The following SPRY3 variants were observed in gnomAD, a reference collection of about 807,000 sequenced individuals.
SPRY3 encodes the protein sprouty RTK signaling antagonist 3, also known as protein sprouty homolog 3.
In SPRY3, 15 loss-of-function variants were observed where a neutral mutation model predicts 20.2. That is an observed-to-expected ratio of 0.74 (90% CI 0.50 to 1.14). The LOEUF is 1.14. Among genes scored for constraint, SPRY3 ranks in the 50% most tolerant of loss-of-function variants. The pLI is 0.00. For synonymous variants in SPRY3, 143 were observed against 136.5 expected (o/e 1.05, Z -0.33); for missense variants, 364 against 363.9 (o/e 1.00, Z 0.00).
At chrX:155,677,348 T>G (rs1389306848) in intron 2 of SPRY3, among the ~76,000 whole-genome samples, 1 of 111,802 alleles carries the variant, frequency 8.9e-6, no homozygotes, top group Non-Finnish European at 1.9e-5. Flanking sequence ...AACATTTTCC[T>G]TACACTCTCC....
intron 2 of SPRY3, among the ~76,000 whole-genome samples, chrX:155,709,520 C>A (rs974080886): frequency 3.3e-5 from 5 of 151,282 alleles, no homozygotes; most frequent in Admixed American, 3.3e-4. Flanking sequence ...TTTATATTTT[C>A]TTCTATAGAG....
chrX:155,707,410 C>T (rs937800282), intron 2 of SPRY3, among the ~76,000 whole-genome samples: 6 of 151,072 alleles, frequency 4.0e-5, no homozygotes, highest in South Asian at 2.1e-4. Context: ...TGGTCTATAC[C>T]GTAGAATGTT....
At chrX:155,752,494 T>G (rs997516298) in intron 2 of SPRY3, among the ~76,000 whole-genome samples, 1 of 151,684 alleles carries the variant, frequency 6.6e-6, no homozygotes, top group Non-Finnish European at 1.5e-5. Flanking sequence ...GTAATGTTTA[T>G]GCTATAGGTT....
At chrX:155,730,552 G>T (rs2091126165) in intron 2 of SPRY3, among the ~76,000 whole-genome samples, 1 of 152,002 alleles carries the variant, frequency 6.6e-6, no homozygotes, top group Non-Finnish European at 1.5e-5. Context: ...TATAATAAAA[G>T]CCATATATGA....
chrX:155,671,285 T>G (rs992296068), intron 2 of SPRY3, among the ~76,000 whole-genome samples: 16 of 111,452 alleles, frequency 1.4e-4, no homozygotes, highest in Non-Finnish European at 1.9e-5. Flanking sequence ...CCTGATAACA[T>G]TTTTTTAATC....
chrX:155,736,374 T>C (rs1453701548), intron 2 of SPRY3, among the ~76,000 whole-genome samples: 2 of 151,984 alleles, frequency 1.3e-5, no homozygotes, highest in East Asian at 3.8e-4. Flanking sequence ...AAGACAAGCC[T>C]ACTGGTGACA....
rs941445022 is a variant in SPRY3 at position 155,650,199 on chromosome X, G to T, written c.-440-6668G>T. ...GCCATACTGCTCATAGTAATTTATA[G>T]ATTCAATGCTATCCTCATTAAGCTA... On this transcript the variant is annotated intron_variant, in intron 1 of 3. Transcript: ENST00000675360. 1.2e-4 allele frequency among the ~76,000 whole-genome samples: 13 copies of T among 111,297 alleles called. 1 individual carries two copies. Among genetic ancestry groups the T allele is most frequent in the Non-Finnish European group, 2.3e-4 (12 of 52,985 alleles).
intron 2 of SPRY3, among the ~76,000 whole-genome samples, chrX:155,732,058 G>A (rs2091136345): frequency 6.6e-6 from 1 of 151,930 alleles, no homozygotes; most frequent in African/African-American, 2.4e-5. Context: ...AGAAAACGTA[G>A]CCTTCCTAGA....
intron 1 of SPRY3, among the ~76,000 whole-genome samples, chrX:155,638,330 A>AAAGTT (rs2067930725): frequency 4.3e-4 from 1 of 2,309 alleles, no homozygotes; most frequent in Non-Finnish European, 2.0e-3. Context: ...ATATATATAT[A>AAAGTT]TATATATATA....
At chrX:155,648,097 G>A (rs1243338647) in intron 1 of SPRY3, among the ~76,000 whole-genome samples, 1 of 112,272 alleles carries the variant, frequency 8.9e-6, no homozygotes, top group African/African-American at 3.2e-5. Context: ...CCTCATAAAT[G>A]TCTTCTTTTG....
intron 2 of SPRY3, among the ~76,000 whole-genome samples, chrX:155,691,302 C>A (rs2124574169): frequency 1.1e-5 from 1 of 87,737 alleles, no homozygotes; most frequent in African/African-American, 5.5e-5. Context: ...TTATAGCATT[C>A]TGTTTTTAGT....
At chrX:155,720,764 G>A (rs2091052227) in intron 2 of SPRY3, among the ~76,000 whole-genome samples, 1 of 152,166 alleles carries the variant, frequency 6.6e-6, no homozygotes, top group South Asian at 2.1e-4. Context: ...ATACAGCTTA[G>A]ATCACAACCC....
chrX:155,697,343 G>A (rs1448141821), intron 2 of SPRY3, among the ~76,000 whole-genome samples: 3 of 110,249 alleles, frequency 2.7e-5, no homozygotes, highest in Non-Finnish European at 5.7e-5. Flanking sequence ...TGGACGGGAA[G>A]TTACAGCCTC....
At chrX:155,673,540 G>T (rs2068050287) in intron 2 of SPRY3, among the ~76,000 whole-genome samples, 1 of 111,622 alleles carries the variant, frequency 9.0e-6, no homozygotes, top group Non-Finnish European at 1.9e-5. Context: ...ATCAGCCAAG[G>T]TTTCTTTGGT....
At chrX:155,694,683 C>T (rs886385520) in intron 2 of SPRY3, among the ~76,000 whole-genome samples, 2 of 111,849 alleles carry the variant, frequency 1.8e-5, no homozygotes, top group African/African-American at 6.5e-5. Flanking sequence ...TAGATAATCC[C>T]ATCTGGGGTT....
intron 3 of SPRY3, among the ~76,000 whole-genome samples, chrX:155,770,561 T>C (rs1182709387): frequency 6.6e-6 from 1 of 152,054 alleles, no homozygotes; most frequent in Admixed American, 6.5e-5. Context: ...AATCACTAGA[T>C]CCCATCAATG....
chrX:155,677,035 G>A (rs939035844), intron 2 of SPRY3, among the ~76,000 whole-genome samples: 5 of 111,316 alleles, frequency 4.5e-5, no homozygotes, highest in East Asian at 2.8e-4. Context: ...CAGTCAGTTC[G>A]GATCGGCTAT....
rs2091010816 is a variant in SPRY3, at chrX:155,714,839, C to T, written c.-281-53123C>T. Among the ~76,000 whole-genome samples the T allele has an allele frequency of 3.3e-5, 5 of 152,046 alleles. No individual in the cohort carries two copies. The South Asian group carries it at 1.0e-3, about 32-fold the overall frequency. ...CCCCAACTTTTCCCAAGCAGAGGAG[C>T]CTCTCTCTGTGGCCACCAACACCAC... On this transcript the variant is annotated intron_variant, in intron 2 of 3. Transcript: ENST00000675360.
intron 1 of SPRY3, among the ~76,000 whole-genome samples, chrX:155,628,057 T>C (rs1557350107): frequency 8.9e-6 from 1 of 112,082 alleles, no homozygotes; most frequent in African/African-American, 3.2e-5. Context: ...CGGTCTATCA[T>C]TGATGGGCAT....
Sources: gnomAD v4.1 joint callset for allele counts (sites outside exome capture counted in the v4.1 genomes callset) on GRCh38, gnomAD v4.1.1 for gene constraint, MANE v1.5 for transcripts, NCBI Gene and HGNC (gene_info 2026-07-23, HGNC 2026-07-21) for gene names.